The following FLG variants were observed in gnomAD, a reference collection of about 807,000 sequenced individuals.
FLG encodes epidermal filaggrin.
In FLG, 6 loss-of-function variants were observed where a neutral mutation model predicts 3.8. That is an observed-to-expected ratio of 1.60 (90% CI 0.87 to 3.15). The LOEUF is 3.15. FLG is among the 30% of genes most tolerant of loss of function. FLG has a pLI of 0.00. For synonymous variants in FLG, 2,551 were observed against 1,931.6 expected, an observed-to-expected ratio of 1.32 and a Z score of -8.41; for missense variants, 7,595 against 5,050.9, an observed-to-expected ratio of 1.50 and a Z score of -15.27.
Position 152,303,813 on chromosome 1 carries a change from G to C in FLG, c.11073C>G (p.Ser3691Arg). 4 of 1,613,416 alleles carry C rather than the reference G, an allele frequency of 2.5e-6. No homozygotes were observed. Among genetic ancestry groups the C allele is most frequent in the Non-Finnish European group, 3.4e-6 (4 of 1,179,790 alleles). The change falls in exon 3 of 3, where the codon AGC becomes AGG. Residue 3691 changes from serine to arginine, a missense_variant. By Grantham distance (110) the Ser-to-Arg change is moderately radical (BLOSUM62 -1). Coordinates refer to ENST00000368799, the MANE Select transcript of FLG (RefSeq NM_002016.2). Reference sequence around the variant, plus strand: ...ACCGGCCACGTGTGGACTCTTGGTGGCTCTGCTGATGGGGCCCAGCCTGTC... The same window carrying C: ...ACCGGCCACGTGTGGACTCTTGGTGCCTCTGCTGATGGGGCCCAGCCTGTC... ...AHGQAGPHQQ[S>R]HQESTRGRSA... is the part of the protein sequence containing the mutation.
rs1187440317 is a variant in FLG at position 152,313,924 on chromosome 1, T to C, written c.962A>G (p.His321Arg). The change falls in exon 3 of 3, where the codon CAT becomes CGT. Residue 321 changes from histidine to arginine, a missense_variant. By Grantham distance (29) the His-to-Arg change is conservative (BLOSUM62 0). Coordinates refer to ENST00000368799, the MANE Select transcript of FLG (RefSeq NM_002016.2). ...ERHSGSASRN[H>R]HGSAWEQSRD... ...TGACTGCTCCCACGCAGATCCATGATGGTTTCTGGAAGCCGACCCAGAGTG... is the reference window on the plus strand; with the variant it reads ...TGACTGCTCCCACGCAGATCCATGACGGTTTCTGGAAGCCGACCCAGAGTG... 2.5e-6 allele frequency: 4 copies of C among 1,613,746 alleles called. No individual in the cohort carries two copies. The highest frequency in any genetic ancestry group is 3.3e-5 in the Admixed American group (2 of 59,974).
In FLG at chr1:152,312,427, G is replaced by C. The variant is rs112822174; in HGVS notation, c.2459C>G (p.Ser820Cys). 6.2e-7 allele frequency: 1 copy of C among 1,613,588 alleles called. No homozygotes were observed. The highest frequency in any genetic ancestry group is 8.5e-7 in the Non-Finnish European group (1 of 1,179,858). Residue 820 changes from serine (S) to cysteine (C), a missense_variant, in exon 3 of 3, where the codon TCC becomes TGC. Ser to Cys is a moderately radical substitution (Grantham distance 112, BLOSUM62 -1). Transcript: ENST00000368799. ...TGPSTGVRQG[S>C]HHEQARDNSR... ...GTTGTCTCGTGCCTGCTCATGGTGG[G>C]ATCCTTGTCTTACTCCAGTGCTGGG...
In FLG at chr1:152,307,329, G is replaced by A. The variant is rs113878714; in HGVS notation, c.7557C>T (p.Asn2519=). 723 of 1,612,880 alleles carry A rather than the reference G, an allele frequency of 4.5e-4. 11 individuals are homozygous for A. The African/African-American group carries it at 6.3e-3, about 14-fold the overall frequency. Residue 2519 remains asparagine (N), a synonymous_variant, in exon 3 of 3, where the codon AAC becomes AAT. Coordinates refer to ENST00000368799, the MANE Select transcript of FLG (RefSeq NM_002016.2). ...TGGAGCCGTCTCCTGATTGTTCATC[G>A]TTACGAGTTTGTCTGCTTGCACTTC... The part of the protein sequence containing the change: ...GSRSASRQTR[N]DEQSGDGSRH...
At chr1:152,319,137 G>A (rs530623018) in intron 1 of FLG, among the ~76,000 whole-genome samples, 18 of 151,640 alleles carry the variant, frequency 1.2e-4, no homozygotes, top group South Asian at 2.1e-4. Context: ...AGATACAGAC[G>A]GGTCAGATAA....
Position 152,309,455 on chromosome 1 carries a change from C to T in FLG, c.5431G>A (p.Asp1811Asn), listed in dbSNP as rs1341383566. The change falls in exon 3 of 3, where the codon GAC (aspartate) becomes AAC (asparagine). Residue 1811 changes from aspartate (D) to asparagine (N), a missense_variant. Coordinates refer to ENST00000368799, the MANE Select transcript of FLG (RefSeq NM_002016.2). Reference sequence around the variant, plus strand: ...GACCCTGGGTGTCCACGAATGGTGTCCTGACCCTCTTGGGACGCTGAGTGC... The same window carrying T: ...GACCCTGGGTGTCCACGAATGGTGTTCTGACCCTCTTGGGACGCTGAGTGC... The part of the protein sequence containing the change: ...SRHSASQEGQ[D>N]TIRGHPGSSR... 1.2e-6 allele frequency: 2 copies of T among 1,613,426 alleles called. No homozygotes were observed. Among genetic ancestry groups the T allele is most frequent in the Non-Finnish European group, 1.7e-6 (2 of 1,179,920 alleles).
rs1456260988 is a variant in FLG at position 152,303,479 on chromosome 1, G to A, written c.11407C>T (p.Gln3803Ter). The change falls in exon 3 of 3, where the codon CAG becomes TAG. Residue 3803 changes from glutamine (Q) to a stop codon, truncating the protein, a stop_gained. Coordinates refer to ENST00000368799, the MANE Select transcript of FLG (RefSeq NM_002016.2). LOFTEE classifies it low-confidence loss of function (END_TRUNC). Reference protein sequence around the residue: ...SQGRSDASHGQSGSRSASRET... With the variant: ...SQGRSDASHG ...CTGCTTGCACTTCTGGATCCTGACT[G>A]CCCATGGGAGGCATCAGACCTTCCC... 6.2e-7 allele frequency: 1 copy of A among 1,614,058 alleles called. No homozygotes were observed. The highest frequency in any genetic ancestry group is 8.5e-7 in the Non-Finnish European group (1 of 1,180,006).
At position 152,309,573 on chromosome 1, in the gene FLG, A is replaced by C. The variant is rs1192833495; in HGVS notation, c.5313T>G (p.Thr1771=). The change falls in exon 3 of 3, where the codon ACT becomes ACG. Residue 1771 remains threonine (T), a synonymous_variant. Coordinates refer to ENST00000368799, the MANE Select transcript of FLG (RefSeq NM_002016.2). ...RSGSFLYQVS[T]HEQSESAHGR... ...CATGGGCGGACTCAGACTGTTCATGAGTGCTCACCTGGTAGAGGAAAGACC... is the reference window on the plus strand; with the variant it reads ...CATGGGCGGACTCAGACTGTTCATGCGTGCTCACCTGGTAGAGGAAAGACC... The C allele has an allele frequency of 6.2e-7, 1 of 1,613,526 alleles. No individual in the cohort carries two copies. Among genetic ancestry groups the C allele is most frequent in the Admixed American group, 1.7e-5 (1 of 59,984 alleles).
At chr1:152,322,249 T>C (rs538245885) in intron 1 of FLG, among the ~76,000 whole-genome samples, 2 of 151,160 alleles carry the variant, frequency 1.3e-5, no homozygotes, top group South Asian at 4.1e-4. Context: ...TATTTAACAT[T>C]GTACTAAAAG....
rs768819221 is a variant in FLG at position 152,307,522 on chromosome 1, G to T, written c.7364C>A (p.Ser2455Tyr). The T allele has an allele frequency of 6.2e-7, 1 of 1,613,492 alleles. No homozygotes were observed. Among genetic ancestry groups the T allele is most frequent in the African/African-American group, 1.3e-5 (1 of 74,888 alleles). The change falls in exon 3 of 3, where the codon TCC (serine) becomes TAC (tyrosine). Residue 2455 changes from serine to tyrosine, a missense_variant. By Grantham distance (144) the Ser-to-Tyr change is moderately radical. Coordinates refer to ENST00000368799, the MANE Select transcript of FLG (RefSeq NM_002016.2). Reference protein sequence around the residue: ...QARDSSRHSTSQEGQDTIHGH... With the variant: ...QARDSSRHSTYQEGQDTIHGH... ...ATGAATGGTGTCCTGACCCTCTTGG[G>T]ACGTTGAGTGCCTGGAGCTGTCTCG...
In FLG at chr1:152,311,005, T is replaced by A. The variant is rs767364721; in HGVS notation, c.3881A>T (p.His1294Leu). Residue 1294 changes from histidine (H) to leucine (L), a missense_variant, in exon 3 of 3, where the codon CAT (histidine) becomes CTT (leucine). Transcript: ENST00000368799. ...TGACTGCTCCCGAGAAGATCCATGA[T>A]GGTTTCTGGAAGCAGACCCAGACAA... is the stretch of plus-strand genomic sequence containing the variant. Reference protein sequence around the residue: ...ERLSGSASRNHHGSSREQSRD... With the variant: ...ERLSGSASRNLHGSSREQSRD... 3 of 1,613,706 alleles carry A rather than the reference T, an allele frequency of 1.9e-6. No homozygotes were observed. In the South Asian group the frequency reaches 3.3e-5, roughly 18 times the overall value.
Position 152,314,567 on chromosome 1 carries a change from G to C in FLG, c.319C>G (p.His107Asp). 1 of 1,613,476 alleles carries C rather than the reference G, an allele frequency of 6.2e-7. No homozygotes were observed. Among genetic ancestry groups the C allele is most frequent in the Non-Finnish European group, 8.5e-7 (1 of 1,179,908 alleles). The change falls in exon 3 of 3, where the codon CAT (histidine) becomes GAT (aspartate). Residue 107 changes from histidine (H) to aspartate (D), a missense_variant. Coordinates refer to ENST00000368799, the MANE Select transcript of FLG (RefSeq NM_002016.2). ...TGTTTATTATCTTCATGTTTATCATGATGACTGTGCTTTCTGTGCTTGTGT... is the reference window on the plus strand; with the variant it reads ...TGTTTATTATCTTCATGTTTATCATCATGACTGTGCTTTCTGTGCTTGTGT... ...SGHKHRKHSH[H>D]DKHEDNKQEE... is the part of the protein sequence containing the mutation.
rs760876767 is a variant in FLG, at chr1:152,313,224, C to G, written c.1662G>C (p.Arg554Ser). The G allele has an allele frequency of 8.1e-6, 13 of 1,613,750 alleles. No homozygotes were observed. The South Asian group carries it at 1.2e-4, about 15-fold the overall frequency. Residue 554 changes from arginine to serine, a missense_variant, in exon 3 of 3, where the codon AGG (arginine) becomes AGC (serine). Physicochemically the swap from Arg to Ser is moderately radical, Grantham distance 110 (BLOSUM62 -1). Coordinates refer to ENST00000368799, the MANE Select transcript of FLG (RefSeq NM_002016.2). ...SHHSHTTSQG[R>S]SDASHGQSGS... The stretch of plus-strand genomic sequence containing the variant: ...CTGACTGCCCATGGGAGGCATCAGA[C>G]CTTCCCTGGGATGTGGTGTGGCTGT...
chr1:152,318,165 T>G (rs2101656241), intron 1 of FLG, among the ~76,000 whole-genome samples: 1 of 152,114 alleles, frequency 6.6e-6, no homozygotes, highest in East Asian at 1.9e-4. Context: ...CCTAATTAAC[T>G]GCTTCATTTC....
At position 152,307,833 on chromosome 1, in the gene FLG, A is replaced by C; in HGVS notation, c.7053T>G (p.Ala2351=). The part of the protein sequence containing the change: ...SRHSGIGHGQ[A]SSAVRDSGHR... ...GTCCACTGTCTCTGACTGCAGATGAAGCTTGTCCGTGCCCAATGCCTGAGT... is the reference window on the plus strand; with the variant it reads ...GTCCACTGTCTCTGACTGCAGATGACGCTTGTCCGTGCCCAATGCCTGAGT... The change falls in exon 3 of 3, where the codon GCT becomes GCG. Residue 2351 remains alanine, a synonymous_variant. Transcript: ENST00000368799. 6.2e-7 allele frequency: 1 copy of C among 1,611,752 alleles called. No homozygotes were observed. The highest frequency in any genetic ancestry group is 8.5e-7 in the Non-Finnish European group (1 of 1,179,582).
In FLG at chr1:152,309,250, C is replaced by T; in HGVS notation, c.5636G>A (p.Arg1879Lys). The stretch of plus-strand genomic sequence containing the variant: ...TTCATGGTGACGCGACCCTGAGTGC[C>T]TGGAGCCGTCTCCTGATTGTTTCTC... ...RNEKQSGDGS[R>K]HSGSRHHEAS... The change falls in exon 3 of 3, where the codon AGG (arginine) becomes AAG (lysine). Residue 1879 changes from arginine (R) to lysine (K), a missense_variant. Arg to Lys is a conservative substitution (Grantham distance 26). Transcript: ENST00000368799. 6.2e-7 allele frequency: 1 copy of T among 1,613,808 alleles called. No individual in the cohort carries two copies. The highest frequency in any genetic ancestry group is 8.5e-7 in the Non-Finnish European group (1 of 1,179,976).
Position 152,310,200 on chromosome 1 carries a change from A to G in FLG, c.4686T>C (p.His1562=). The G allele has an allele frequency of 1.9e-6, 3 of 1,613,684 alleles. No homozygotes were observed. The highest frequency in any genetic ancestry group is 2.5e-6 in the Non-Finnish European group (3 of 1,179,924). ...DGSRHSGSRH[H]EPSTRAGSSR... ...AGCTGCCGGCCCGAGTGGAAGGTTC[A>G]TGGTGACGTGACCCTGAGTGCCTGG... The change falls in exon 3 of 3, where the codon CAT becomes CAC. Residue 1562 remains histidine, a synonymous_variant. Transcript: ENST00000368799.
In FLG at chr1:152,308,402, C is replaced by T. The variant is rs770715060; in HGVS notation, c.6484G>A (p.Gly2162Arg). 25 of 1,613,678 alleles carry T rather than the reference C, an allele frequency of 1.5e-5. No individual in the cohort carries two copies. Among genetic ancestry groups the T allele is most frequent in the Non-Finnish European group, 1.9e-5 (23 of 1,179,892 alleles). ...TGGCTGTGATGAGACCCTGAGTGTC[C>T]AGACCTATCTACCGATTGCTCTTGG... is the stretch of plus-strand genomic sequence containing the variant. Reference protein sequence around the residue: ...SHQEQSVDRSGHSGSHHSHTT... With the variant: ...SHQEQSVDRSRHSGSHHSHTT... The change falls in exon 3 of 3, where the codon GGA (glycine) becomes AGA (arginine). Residue 2162 changes from glycine to arginine, a missense_variant. Transcript: ENST00000368799.
In FLG at chr1:152,309,253, G is replaced by A. The variant is rs1403040527; in HGVS notation, c.5633C>T (p.Ser1878Phe). ...ATGGTGACGCGACCCTGAGTGCCTGGAGCCGTCTCCTGATTGTTTCTCATT... is the reference window on the plus strand; with the variant it reads ...ATGGTGACGCGACCCTGAGTGCCTGAAGCCGTCTCCTGATTGTTTCTCATT... ...TRNEKQSGDG[S>F]RHSGSRHHEA... The change falls in exon 3 of 3, where the codon TCC (serine) becomes TTC (phenylalanine). Residue 1878 changes from serine (S) to phenylalanine (F), a missense_variant. Ser to Phe is a radical substitution (Grantham distance 155). Coordinates refer to ENST00000368799, the MANE Select transcript of FLG (RefSeq NM_002016.2). 4.3e-6 allele frequency: 7 copies of A among 1,613,666 alleles called. No individual in the cohort carries two copies. The highest frequency in any genetic ancestry group is 5.9e-6 in the Non-Finnish European group (7 of 1,180,000).
At position 152,309,500 on chromosome 1, in the gene FLG, G is replaced by C; in HGVS notation, c.5386C>G (p.Gln1796Glu). 1 of 1,613,946 alleles carries C rather than the reference G, an allele frequency of 6.2e-7. No homozygotes were observed. The highest frequency in any genetic ancestry group is 8.5e-7 in the Non-Finnish European group (1 of 1,179,974). Residue 1796 changes from glutamine to glutamate, a missense_variant, in exon 3 of 3, where the codon CAG becomes GAG. Transcript: ENST00000368799. ...TGGRQRSRHE[Q>E]ARDSSRHSAS... ...GAGTGCCTGGAGCTGTCTCGTGCCT[G>C]CTCGTGGCGGGATCTTTGTCTTCCT...
Sources: gnomAD v4.1 joint callset for allele counts (sites outside exome capture counted in the v4.1 genomes callset) on GRCh38, gnomAD v4.1.1 for gene constraint, MANE v1.5 for transcripts, NCBI Gene and HGNC (gene_info 2026-07-23, HGNC 2026-07-21) for gene names.